The following DIAPH1 variants were observed in gnomAD, a reference collection of about 807,000 sequenced individuals.
DIAPH1 encodes the protein diaphanous related formin 1.
In DIAPH1, 46 loss-of-function variants were observed where a neutral mutation model predicts 140.7. The ratio of observed to expected loss-of-function variants is 0.33; its 90% CI spans 0.26 to 0.42. The LOEUF is 0.42. Among genes scored for constraint, DIAPH1 ranks in the 10% least tolerant of loss-of-function variants. The pLI, the probability that DIAPH1 is intolerant of heterozygous loss-of-function variation, is 1.00. For missense variants in DIAPH1, 1,310 were observed against 1,558.7 expected (o/e 0.84, Z 2.69); for synonymous variants, 565 against 551.6 (o/e 1.02, Z -0.34).
chr5:141,531,555 T>C (rs552303609), intron 19 of DIAPH1, among the ~76,000 whole-genome samples: 2 of 152,144 alleles, frequency 1.3e-5, no homozygotes, highest in Non-Finnish European at 2.9e-5. Context: ...CGGCATGGTG[T>C]TGGCTCACTG....
intron 1 of DIAPH1, among the ~76,000 whole-genome samples, chr5:141,593,189 T>G (rs2099898755): frequency 6.6e-6 from 1 of 152,118 alleles, no homozygotes; most frequent in East Asian, 1.9e-4. Context: ...AAATGGGAGT[T>G]AAAGGAGGGG....
intron 18 of DIAPH1, among the ~76,000 whole-genome samples, chr5:141,566,213 G>C (rs781251739): frequency 8.5e-5 from 13 of 152,204 alleles, no homozygotes; most frequent in African/African-American, 1.7e-4. Flanking sequence ...TGAGATCCTA[G>C]AACGGGGGAA....
rs575426192 is a variant in DIAPH1, at chr5:141,528,594, A to G, written c.3019-12T>C. On this transcript the variant is annotated splice_polypyrimidine_tract_variant and intron_variant, in intron 22 of 27. Coordinates refer to ENST00000389054, the MANE Select transcript of DIAPH1 (RefSeq NM_005219.5). ...TTGGTGTCTCGAAGCTTAGAGAAAG[A>G]GGAGAAACTGTTAAATCCTGACATG... 4 of 1,614,226 alleles carry G rather than the reference A, an allele frequency of 2.5e-6. No individual in the cohort carries two copies. The highest frequency in any genetic ancestry group is 3.4e-6 in the Non-Finnish European group (4 of 1,180,048).
At chr5:141,574,841 G>A in intron 15 of DIAPH1, 126 bp downstream of exon 15, 1 of 1,003,730 alleles carries the variant, frequency 1.0e-6, no homozygotes, top group Non-Finnish European at 1.6e-6. Flanking sequence ...TTTAAAATAT[G>A]CACCATGTAA....
At position 141,579,165 on chromosome 5, in the gene DIAPH1, T is replaced by C. The variant is rs1325994580; in HGVS notation, c.856A>G (p.Arg286Gly). Reference sequence around the variant, plus strand: ...CGTTCCACTTCATCCATCTCAGCTCTTTCTGTCATTGCCTCCAAAACCCTT... The same window carrying C: ...CGTTCCACTTCATCCATCTCAGCTCCTTCTGTCATTGCCTCCAAAACCCTT... ...NERVLEAMTE[R>G]AEMDEVERFQ... The change falls in exon 9 of 28, where the codon AGA becomes GGA. Residue 286 changes from arginine to glycine, a missense_variant. Arg to Gly is a moderately radical substitution (Grantham distance 125). Transcript: ENST00000389054. The C allele has an allele frequency of 6.8e-6, 11 of 1,614,052 alleles. No homozygotes were observed. The highest frequency in any genetic ancestry group is 2.7e-5 in the African/African-American group (2 of 74,930).
At chr5:141,615,310 G>GT (rs2099902493) in intron 1 of DIAPH1, among the ~76,000 whole-genome samples, 1 of 151,554 alleles carries the variant, frequency 6.6e-6, no homozygotes, top group Non-Finnish European at 1.5e-5. Flanking sequence ...GCGTACACCT[G>GT]TAATCCCAGC....
intron 1 of DIAPH1, among the ~76,000 whole-genome samples, chr5:141,600,846 A>T (rs2099900032): frequency 6.6e-6 from 1 of 152,212 alleles, no homozygotes; most frequent in Admixed American, 6.5e-5. Flanking sequence ...CAATTCTTAC[A>T]CAAAAATAAC....
chr5:141,525,299 T>C (rs1187370536), intron 26 of DIAPH1, among the ~76,000 whole-genome samples: 1 of 151,866 alleles, frequency 6.6e-6, no homozygotes, highest in African/African-American at 2.4e-5. Flanking sequence ...TGCAGAAGGT[T>C]TGTGGCCCCT....
At chr5:141,564,367 A>T (rs1228095840) in intron 18 of DIAPH1, 1 of 152,230 alleles carries the variant, frequency 6.6e-6, no homozygotes, top group African/African-American at 2.4e-5. Context: ...CGCAACAATG[A>T]CACATCTAAA....
intron 1 of DIAPH1, among the ~76,000 whole-genome samples, chr5:141,604,148 G>A (rs538390650): frequency 2.0e-5 from 3 of 152,314 alleles, no homozygotes; most frequent in Admixed American, 1.3e-4. Flanking sequence ...AGGTGTAGCA[G>A]GCACACCGGT....
At chr5:141,578,007 C>A in intron 11 of DIAPH1, 1 of 615,088 alleles carries the variant, frequency 1.6e-6, no homozygotes, top group South Asian at 1.9e-5. Flanking sequence ...GGCTTCCATG[C>A]TCAACAACCC....
Position 141,586,922 on chromosome 5 carries a change from T to G in DIAPH1, c.300+120A>C, listed in dbSNP as rs542623504. The G allele has an allele frequency of 3.4e-5, 36 of 1,050,930 alleles. No individual in the cohort carries two copies. In the African/African-American group the frequency reaches 5.3e-4, roughly 16 times the overall value. 65.1% of individuals were successfully genotyped at this position (1,050,930 alleles called of 1,614,324 possible). On this transcript the variant is annotated intron_variant, in intron 3 of 27. Coordinates refer to ENST00000389054, the MANE Select transcript of DIAPH1 (RefSeq NM_005219.5). Reference sequence around the variant, plus strand: ...GATTAAAGGGTTAATATTAAAAAGTTCCATGTTAAGCCTGGAATTCTTTGT... The same window carrying G: ...GATTAAAGGGTTAATATTAAAAAGTGCCATGTTAAGCCTGGAATTCTTTGT...
In DIAPH1 at chr5:141,618,907, G is replaced by T; in HGVS notation, c.8C>A (p.Pro3Gln). Residue 3 changes from proline (P) to glutamine (Q), a missense_variant, in exon 1 of 28, where the codon CCG (proline) becomes CAG (glutamine). Transcript: ENST00000389054. ME[P>Q]PGGSLGPGRG... ...GCCGGGCCCCAGGCTCCCGCCGGGC[G>T]GCTCCATGTCCCGGTTCACGCTGGC... 6.6e-7 allele frequency: 1 copy of T among 1,509,344 alleles called. No individual in the cohort carries two copies. The highest frequency in any genetic ancestry group is 8.9e-7 in the Non-Finnish European group (1 of 1,127,984). The allele number at this position is 1,509,344 out of a possible 1,614,324, so 93.5% of individuals were successfully genotyped here. A position where few individuals can be genotyped will look rare whatever the true frequency, so the allele number is the denominator to read the frequency against.
At chr5:141,542,475 C>A (rs1052881205) in intron 18 of DIAPH1, among the ~76,000 whole-genome samples, 2 of 151,408 alleles carry the variant, frequency 1.3e-5, no homozygotes, top group African/African-American at 4.9e-5. Context: ...TCAATTAATG[C>A]ATAAACAAAC....
At chr5:141,536,636 C>A (rs1210237297) in intron 18 of DIAPH1, among the ~76,000 whole-genome samples, 1 of 152,072 alleles carries the variant, frequency 6.6e-6, no homozygotes, top group African/African-American at 2.4e-5. Context: ...CAGGGAAGAT[C>A]TCACTGTAAG....
chr5:141,518,955 T>A, intron 27 of DIAPH1: 1 of 1,550,152 alleles, frequency 6.5e-7, no homozygotes. Context: ...AATTTAAAGG[T>A]CTCCTCCTCC....
chr5:141,523,343 G>T (rs571241048), intron 27 of DIAPH1, among the ~76,000 whole-genome samples: 127 of 152,256 alleles, frequency 8.3e-4, no homozygotes, highest in African/African-American at 3.0e-3. Flanking sequence ...CGATAGTGCA[G>T]GTCAACTCCA....
intron 27 of DIAPH1, among the ~76,000 whole-genome samples, chr5:141,518,043 C>T (rs1379750049): frequency 1.3e-5 from 2 of 152,128 alleles, no homozygotes; most frequent in Admixed American, 6.5e-5. Context: ...AAGCCTGACA[C>T]GAAAGGCCAT....
Position 141,577,564 on chromosome 5 carries a change from G to A in DIAPH1, c.1191C>T (p.Leu397=). 2 of 1,613,204 alleles carry A rather than the reference G, an allele frequency of 1.2e-6. No homozygotes were observed. Among genetic ancestry groups the A allele is most frequent in the Non-Finnish European group, 1.7e-6 (2 of 1,179,222 alleles). The change falls in exon 12 of 28, where the codon CTC becomes CTT. Residue 397 remains leucine, a synonymous_variant. Transcript: ENST00000389054. ...CCTTTGAATCCTTCACTGTGTTTAA[G>A]AGAATCTGAAAGACTTCATTAAAGT... ...MDDFNEVFQI[L]LNTVKDSKAE... is the part of the protein sequence containing the mutation.
Sources: gnomAD v4.1 joint callset for allele counts (sites outside exome capture counted in the v4.1 genomes callset) on GRCh38, gnomAD v4.1.1 for gene constraint, MANE v1.5 for transcripts, NCBI Gene and HGNC (gene_info 2026-07-23, HGNC 2026-07-21) for gene names.